RNF4: variants seen among roughly 807,000 people sequenced by gnomAD.
RNF4 encodes E3 ubiquitin-protein ligase RNF4.
In RNF4, 7 loss-of-function variants were observed where a neutral mutation model predicts 24.3. The ratio of observed to expected loss-of-function variants is 0.29; its 90% confidence interval spans 0.16 to 0.54. The LOEUF (loss-of-function observed/expected upper bound fraction) is 0.54. Among genes scored for constraint, RNF4 ranks in the 20% least tolerant of loss-of-function variants. RNF4 has a pLI of 0.95. For synonymous variants in RNF4, 83 were observed against 84.3 expected, an observed-to-expected ratio of 0.98 and a Z score of 0.09; for missense variants, 209 against 248.5, an observed-to-expected ratio of 0.84 and a Z score of 1.07.
intron 1 of RNF4, among the ~76,000 whole-genome samples, chr4:2,484,403 G>A (rs1017942626): frequency 5.3e-5 from 8 of 151,920 alleles, no homozygotes; most frequent in East Asian, 1.9e-4. Flanking sequence ...TTTCCTGCCC[G>A]CCTGTATGTC....
intron 1 of RNF4, among the ~76,000 whole-genome samples, chr4:2,478,014 T>C (rs1241336821): frequency 6.6e-6 from 1 of 152,106 alleles, no homozygotes; most frequent in African/African-American, 2.4e-5. Context: ...GACAATGAAA[T>C]CCAGGCTGAG....
chr4:2,499,989 T>C (rs1461776376), intron 3 of RNF4, among the ~76,000 whole-genome samples: 1 of 152,030 alleles, frequency 6.6e-6, no homozygotes, highest in Non-Finnish European at 1.5e-5. Context: ...ACCCCATCTC[T>C]ACTAAAAATA....
chr4:2,486,728 A>G (rs1239062328), intron 1 of RNF4, among the ~76,000 whole-genome samples: 1 of 152,184 alleles, frequency 6.6e-6, no homozygotes, highest in Non-Finnish European at 1.5e-5. Context: ...CCTCAATATC[A>G]GTGAAGTGGG....
intron 3 of RNF4, chr4:2,499,280 T>TTTGTTG: frequency 2.2e-6 from 1 of 451,830 alleles, no homozygotes. Context: ...CATTTAGTGT[T>TTTGTTG]TTGTTGTTGT....
intron 1 of RNF4, among the ~76,000 whole-genome samples, chr4:2,484,461 T>C (rs1735348029): frequency 6.6e-6 from 1 of 152,054 alleles, no homozygotes; most frequent in African/African-American, 2.4e-5. Flanking sequence ...CACATGCACA[T>C]ATGCATACAC....
chr4:2,490,606 G>A (rs1735550931), intron 2 of RNF4, 104 bp downstream of exon 2: 1 of 1,230,868 alleles, frequency 8.1e-7, no homozygotes, highest in Non-Finnish European at 1.2e-6. Flanking sequence ...TCACTTCTAA[G>A]TAACCCCACT....
At chr4:2,480,164 C>G (rs1367610390) in intron 1 of RNF4, 1 of 151,874 alleles carries the variant, frequency 6.6e-6, no homozygotes, top group East Asian at 1.9e-4. Context: ...CAGGCTGGTC[C>G]AGAACTCCTG....
chr4:2,511,822 G>A, intron 4 of RNF4, 134 bp from the exon 5 acceptor site: 2 of 829,280 alleles, frequency 2.4e-6, no homozygotes, highest in South Asian at 3.2e-5. Flanking sequence ...GGTGGGAGGA[G>A]GGTGGGGCCT....
chr4:2,479,450 G>C (rs1009716809), intron 1 of RNF4, among the ~76,000 whole-genome samples: 1 of 152,144 alleles, frequency 6.6e-6, no homozygotes, highest in Non-Finnish European at 1.5e-5. Flanking sequence ...ATGTGGGAGG[G>C]ACCCGGTGGG....
intron 1 of RNF4, chr4:2,480,473 A>ATG (rs1735213506): frequency 6.6e-6 from 1 of 151,760 alleles, no homozygotes; most frequent in South Asian, 2.1e-4. Flanking sequence ...GGGTTTCACC[A>ATG]TGTTGGCCAG....
chr4:2,510,828 A>G (rs1736251897), intron 4 of RNF4, among the ~76,000 whole-genome samples: 1 of 152,172 alleles, frequency 6.6e-6, no homozygotes, highest in Middle Eastern at 3.2e-3. Context: ...AGAAGGTGGG[A>G]GGAACCACGT....
intron 3 of RNF4, chr4:2,499,196 CAAAA>C (rs909536537): frequency 3.7e-6 from 1 of 266,764 alleles, no homozygotes; most frequent in African/African-American, 2.4e-5. Context: ...GACTCTGTCT[CAAAA>C]AAAAAAAGTT....
intron 1 of RNF4, among the ~76,000 whole-genome samples, chr4:2,481,411 G>A (rs765009661): frequency 2.0e-5 from 3 of 152,000 alleles, no homozygotes; most frequent in Non-Finnish European, 2.9e-5. Flanking sequence ...ACATATGTCC[G>A]TAACTGCAAA....
At chr4:2,511,071 T>C (rs995105203) in intron 4 of RNF4, among the ~76,000 whole-genome samples, 1 of 152,240 alleles carries the variant, frequency 6.6e-6, no homozygotes, top group Non-Finnish European at 1.5e-5. Flanking sequence ...GTGGCCTACA[T>C]TGGTCGCGTC....
chr4:2,493,743 TAAAAAAAAAA>T (rs34740719), intron 2 of RNF4, among the ~76,000 whole-genome samples: 27 of 88,150 alleles, frequency 3.1e-4, no homozygotes, highest in African/African-American at 6.4e-4. Context: ...GACTCCGTCT[TAAAAAAAAAA>T]AAAAAAAAAA....
intron 4 of RNF4, among the ~76,000 whole-genome samples, chr4:2,511,178 T>C (rs959098946): frequency 1.3e-5 from 2 of 152,164 alleles, no homozygotes; most frequent in Non-Finnish European, 2.9e-5. Flanking sequence ...CTGGTGACTC[T>C]GCTTCAGAAG....
chr4:2,503,801 G>A (rs901673901), intron 4 of RNF4, among the ~76,000 whole-genome samples: 13 of 152,168 alleles, frequency 8.5e-5, no homozygotes, highest in African/African-American at 1.2e-4. Flanking sequence ...TTCTGGAAGC[G>A]GGGTAACCTT....
At chr4:2,503,714 A>G (rs1735984521) in intron 4 of RNF4, among the ~76,000 whole-genome samples, 1 of 152,236 alleles carries the variant, frequency 6.6e-6, no homozygotes, top group Non-Finnish European at 1.5e-5. Flanking sequence ...GATAAGGGGC[A>G]TCTGTAGATG....
chr4:2,500,031 G>A lies in RNF4; in HGVS notation c.125-628G>A, dbSNP rs185298555. On this transcript the variant is annotated intron_variant, in intron 3 of 7. Coordinates refer to ENST00000314289, the MANE Select transcript of RNF4 (RefSeq NM_002938.5). ...AAATTAGCCAGGCATGCTGCCAGGC[G>A]CCTGTAATCCCAACTACTCGGGAGG... Among the ~76,000 whole-genome samples, 12 of 151,986 alleles carry A rather than the reference G, an allele frequency of 7.9e-5. 1 individual carries two copies. The East Asian group carries it at 1.7e-3, about 22-fold the overall frequency.
Sources: allele counts gnomAD v4.1 joint callset (sites outside exome capture counted in the v4.1 genomes callset), GRCh38; gene constraint gnomAD v4.1.1; transcripts MANE v1.5; gene names NCBI Gene and HGNC (gene_info 2026-07-23, HGNC 2026-07-21).